ASTN2: variants seen among roughly 807,000 people sequenced by gnomAD.
ASTN2 encodes astrotactin-2.
In ASTN2, 54 loss-of-function variants were observed where a neutral mutation model predicts 139.8. The ratio of observed to expected loss-of-function variants is 0.39; its 90% CI spans 0.31 to 0.48. The LOEUF is 0.48. Ranked by LOEUF, ASTN2 falls within the 20% of genes least tolerant of loss-of-function variation. ASTN2 has a pLI of 0.95. For missense variants in ASTN2, 1,565 were observed against 1,725.1 expected (o/e 0.91, Z 1.64); for synonymous variants, 756 against 719.5 (o/e 1.05, Z -0.81).
At chr9:117,061,819 G>T (rs978036584) in intron 5 of ASTN2, among the ~76,000 whole-genome samples, 2 of 152,156 alleles carry the variant, frequency 1.3e-5, no homozygotes, top group Non-Finnish European at 2.9e-5. Flanking sequence ...TACAAGGAGA[G>T]AAGGAGGAAG....
At chr9:117,109,887 T>G (rs1158235960) in intron 4 of ASTN2, among the ~76,000 whole-genome samples, 1 of 152,188 alleles carries the variant, frequency 6.6e-6, no homozygotes, top group Non-Finnish European at 1.5e-5. Context: ...TTCTGTCATC[T>G]TTTAGTTTCC....
chr9:117,144,710 C>A (rs1830155087), intron 3 of ASTN2, among the ~76,000 whole-genome samples: 3 of 110,194 alleles, frequency 2.7e-5, no homozygotes, highest in South Asian at 3.1e-4. Flanking sequence ...GAGATGGAGT[C>A]TCGCTCTGTC....
At chr9:116,899,156 G>A (rs1488017655) in intron 10 of ASTN2, among the ~76,000 whole-genome samples, 1 of 152,160 alleles carries the variant, frequency 6.6e-6, no homozygotes, top group Non-Finnish European at 1.5e-5. Flanking sequence ...ACCTGGCTTT[G>A]TGGGTATCAG....
chr9:116,560,256 C>A (rs1208857688), intron 19 of ASTN2, among the ~76,000 whole-genome samples: 1 of 152,202 alleles, frequency 6.6e-6, no homozygotes, highest in Non-Finnish European at 1.5e-5. Context: ...AAAGTAAAAT[C>A]TCATTACATC....
intron 1 of ASTN2, among the ~76,000 whole-genome samples, chr9:117,296,251 C>T (rs989356919): frequency 8.3e-6 from 1 of 119,858 alleles, no homozygotes; most frequent in Non-Finnish European, 1.6e-5. Context: ...GCACTTCAGC[C>T]TGGGCAACAG....
intron 3 of ASTN2, 119 bp from the exon 4 acceptor site, chr9:117,141,597 C>A (rs1053658663): frequency 2.2e-6 from 2 of 907,050 alleles, no homozygotes; most frequent in Non-Finnish European, 2.9e-6. Context: ...GACCTGGCCA[C>A]CCTAATTCCT....
chr9:116,879,463 C>T (rs1833394814), intron 10 of ASTN2, among the ~76,000 whole-genome samples: 1 of 152,174 alleles, frequency 6.6e-6, no homozygotes, highest in South Asian at 2.1e-4. Context: ...TCAAACTCTG[C>T]TGCTCATTTG....
chr9:116,607,491 G>C (rs1409175577), intron 19 of ASTN2, among the ~76,000 whole-genome samples: 1 of 152,116 alleles, frequency 6.6e-6, no homozygotes, highest in Non-Finnish European at 1.5e-5. Flanking sequence ...TCTGTGTAAA[G>C]TGACCCTAGG....
At chr9:116,754,065 G>A (rs1829474237) in intron 13 of ASTN2, among the ~76,000 whole-genome samples, 3 of 149,840 alleles carry the variant, frequency 2.0e-5, no homozygotes, top group Non-Finnish European at 4.4e-5. Context: ...CGCGGTGTTT[G>A]GTTTTCTGTT....
chr9:116,615,939 C>T (rs1855830386), intron 19 of ASTN2, among the ~76,000 whole-genome samples: 1 of 151,980 alleles, frequency 6.6e-6, no homozygotes, highest in Admixed American at 6.6e-5. Context: ...AAAACAACAA[C>T]AACATACAAT....
intron 10 of ASTN2, among the ~76,000 whole-genome samples, chr9:116,875,661 G>A (rs1195365674): frequency 6.6e-6 from 1 of 152,184 alleles, no homozygotes; most frequent in African/African-American, 2.4e-5. Flanking sequence ...GAGAAGCCTG[G>A]CTTCAAAAAT....
chr9:117,166,883 C>T (rs1418192613), intron 3 of ASTN2, among the ~76,000 whole-genome samples: 1 of 152,102 alleles, frequency 6.6e-6, no homozygotes, highest in Non-Finnish European at 1.5e-5. Flanking sequence ...GACTTCTTTC[C>T]TCTCTTAGAC....
chr9:116,791,814 C>T (rs572749194), intron 13 of ASTN2, among the ~76,000 whole-genome samples: 45 of 152,080 alleles, frequency 3.0e-4, no homozygotes, highest in Non-Finnish European at 6.0e-4. Flanking sequence ...TAGGCTTTCC[C>T]CTTCTAGAAA....
At chr9:116,678,126 A>C (rs1439307268) in intron 16 of ASTN2, among the ~76,000 whole-genome samples, 1 of 152,228 alleles carries the variant, frequency 6.6e-6, no homozygotes, top group Non-Finnish European at 1.5e-5. Context: ...AAAATGTCTT[A>C]AAAATATAGA....
In ASTN2 at chr9:116,455,441, T is replaced by C. The variant is rs116955684; in HGVS notation, c.3498-12888A>G. Among the ~76,000 whole-genome samples, 902 of 152,230 alleles carry C rather than the reference T, an allele frequency of 5.9e-3. 12 individuals carry two copies. Among genetic ancestry groups the C allele is most frequent in the East Asian group, 0.025 (132 of 5,182 alleles). ...TTTTTAAAACCCATGTGACATTTTCTTTACTACAAATTATTTAAGTTGTAA... is the reference window on the plus strand; with the variant it reads ...TTTTTAAAACCCATGTGACATTTTCCTTACTACAAATTATTTAAGTTGTAA... On this transcript the variant is annotated intron_variant, in intron 20 of 22. Coordinates refer to ENST00000313400, the MANE Select transcript of ASTN2 (RefSeq NM_001365068.1).
At chr9:117,225,155 G>T (rs988245539) in intron 2 of ASTN2, among the ~76,000 whole-genome samples, 1 of 151,998 alleles carries the variant, frequency 6.6e-6, no homozygotes, top group Non-Finnish European at 1.5e-5. Context: ...TGAAAGAAAG[G>T]ACGAATAAAT....
intron 19 of ASTN2, among the ~76,000 whole-genome samples, chr9:116,595,616 C>T (rs10983256): frequency 0.44 from 66,858 of 151,870 alleles, 15,519 homozygotes; most frequent in East Asian, 0.7. Flanking sequence ...TGAGCCACCG[C>T]GCCCGGCCAC....
chr9:117,034,124 C>T (rs980605499), intron 6 of ASTN2, among the ~76,000 whole-genome samples: 3 of 152,128 alleles, frequency 2.0e-5, no homozygotes, highest in Non-Finnish European at 4.4e-5. Context: ...CTGTTACCTG[C>T]CTACACTGGA....
intron 19 of ASTN2, among the ~76,000 whole-genome samples, chr9:116,543,516 T>C (rs17220380): frequency 0.16 from 24,711 of 151,880 alleles, 2,523 homozygotes; most frequent in Non-Finnish European, 0.23. Flanking sequence ...CAGATTGCCA[T>C]AAAAAAAGTT....
Sources: gnomAD v4.1 joint callset for allele counts (sites outside exome capture counted in the v4.1 genomes callset) on GRCh38, gnomAD v4.1.1 for gene constraint, MANE v1.5 for transcripts, NCBI Gene and HGNC (gene_info 2026-07-23, HGNC 2026-07-21) for gene names.